Variants in CRYBG3 observed in about 807,000 individuals in gnomAD.
The protein encoded by CRYBG3 is very large A-kinase anchor protein.
In CRYBG3, 127 loss-of-function variants were observed where a neutral mutation model predicts 244.2. That is an observed-to-expected ratio of 0.52 (90% CI 0.45 to 0.60). The LOEUF (loss-of-function observed/expected upper bound fraction) is 0.60. Ranked by LOEUF, CRYBG3 falls within the 20% of genes least tolerant of loss-of-function variation. The pLI, the probability that CRYBG3 is intolerant of heterozygous loss-of-function variation, is 0.00. For missense variants in CRYBG3, 3,325 were observed against 3,442.5 expected (o/e 0.97, Z 0.85); for synonymous variants, 1,132 against 1,195.8 (o/e 0.95, Z 1.10).
At chr3:97,870,392 G>A (rs920551120) in intron 3 of CRYBG3, among the ~76,000 whole-genome samples, 1 of 152,126 alleles carries the variant, frequency 6.6e-6, no homozygotes, top group Non-Finnish European at 1.5e-5. Flanking sequence ...AGAACATGTA[G>A]TATTTGGTTT....
In CRYBG3 at chr3:97,876,526, G is replaced by A; in HGVS notation, c.5332G>A (p.Glu1778Lys). 8.1e-7 allele frequency: 1 copy of A among 1,232,192 alleles called. No individual in the cohort carries two copies. 76.3% of individuals were successfully genotyped at this position (1,232,192 alleles called of 1,614,324 possible). The change falls in exon 4 of 22, where the codon GAA becomes AAA. Residue 1778 changes from glutamate (E) to lysine (K), a missense_variant. Physicochemically the swap from Glu to Lys is moderately conservative, Grantham distance 56. Transcript: ENST00000389622. ...KNAKGFTGNTEGSVLKMEATY... is the reference protein window; with the variant it reads ...KNAKGFTGNTKGSVLKMEATY... ...TGCCAAAGGTTTTACCGGGAACACT[G>A]AAGGGTCTGTGTTGAAAATGGAAGC...
chr3:97,898,852 T>C (rs1327082894), intron 12 of CRYBG3, 31 bp from the exon 13 acceptor site: 1 of 1,507,084 alleles, frequency 6.6e-7, no homozygotes. Flanking sequence ...AATATGTATG[T>C]TTTCCTAAAC....
chr3:97,941,071 C>G (rs2040222979), intron 19 of CRYBG3, 77 bp from the exon 20 acceptor site: 1 of 1,261,300 alleles, frequency 7.9e-7, no homozygotes, highest in African/African-American at 1.5e-5. Flanking sequence ...CACTTTCCCT[C>G]CCAGCTTTCC....
chr3:97,899,275 A>G lies in CRYBG3; in HGVS notation c.7971+12A>G. 1.9e-6 allele frequency: 3 copies of G among 1,609,686 alleles called. No homozygotes were observed. The highest frequency in any genetic ancestry group is 2.5e-6 in the Non-Finnish European group (3 of 1,178,654). The stretch of plus-strand genomic sequence containing the variant: ...GGCCAATCCAACTGGTGAGTGAAGT[A>G]TGAACATAGCCAGTGCTGCATCATG... On this transcript the variant is annotated intron_variant, in intron 14 of 21. Transcript: ENST00000389622.
chr3:97,941,342 G>T, intron 20 of CRYBG3, 36 bp downstream of exon 20: 1 of 1,485,502 alleles, frequency 6.7e-7, no homozygotes, highest in Non-Finnish European at 9.1e-7. Flanking sequence ...GCCACTTTCT[G>T]GTCTGTTTTT....
chr3:97,903,389 A>G (rs1349762732), intron 15 of CRYBG3, among the ~76,000 whole-genome samples: 1 of 152,208 alleles, frequency 6.6e-6, no homozygotes, highest in Non-Finnish European at 1.5e-5. Flanking sequence ...TTATTTCAGT[A>G]AAGAAAGCCT....
rs1009701748 is a variant in CRYBG3, at chr3:97,942,500, T to A, written c.8824+57T>A. ...CCTGGATATTAGTTTCAGTTCCAAA[T>A]CTCCTCATTTTGGGTAAAGGACATC... On this transcript the variant is annotated intron_variant, in intron 21 of 21. Transcript: ENST00000389622. 26 of 1,455,992 alleles carry A rather than the reference T, an allele frequency of 1.8e-5. No homozygotes were observed. In the Admixed American group the frequency reaches 5.0e-4, roughly 28 times the overall value. The allele number at this position is 1,455,992 out of a possible 1,614,324, so 90.2% of individuals were successfully genotyped here. A position where few individuals can be genotyped will look rare whatever the true frequency, so the allele number is the denominator to read the frequency against.
intron 1 of CRYBG3, among the ~76,000 whole-genome samples, chr3:97,838,573 A>G (rs1204613727): frequency 6.6e-6 from 1 of 152,188 alleles, no homozygotes; most frequent in South Asian, 2.1e-4. Flanking sequence ...GCATATAGAC[A>G]TGAGTTCTGA....
At chr3:97,859,798 T>C (rs2039119820) in intron 2 of CRYBG3, among the ~76,000 whole-genome samples, 1 of 152,204 alleles carries the variant, frequency 6.6e-6, no homozygotes, top group African/African-American at 2.4e-5. Context: ...TTATAAGGCT[T>C]TAGCCACTCT....
At chr3:97,881,839 A>AT (rs2039452466) in intron 7 of CRYBG3, among the ~76,000 whole-genome samples, 1 of 152,142 alleles carries the variant, frequency 6.6e-6, no homozygotes, top group Admixed American at 6.6e-5. Flanking sequence ...ATAGTATACT[A>AT]TACACTATAC....
Position 97,888,380 on chromosome 3 carries a change from T to G in CRYBG3, c.7329T>G (p.Ala2443=). 6.2e-7 allele frequency: 1 copy of G among 1,612,824 alleles called. No individual in the cohort carries two copies. The highest frequency in any genetic ancestry group is 8.5e-7 in the Non-Finnish European group (1 of 1,179,154). The part of the protein sequence containing the change: ...AYPDINFKGQ[A]TVLEEDHGLF... ...CAGATATTAATTTTAAGGGACAAGCTACAGTTCTGGAGGAAGACCATGGGC... is the reference window on the plus strand; with the variant it reads ...CAGATATTAATTTTAAGGGACAAGCGACAGTTCTGGAGGAAGACCATGGGC... Residue 2443 remains alanine (A), a synonymous_variant, in exon 9 of 22, where the codon GCT becomes GCG. Coordinates refer to ENST00000389622, the MANE Select transcript of CRYBG3 (RefSeq NM_153605.4).
chr3:97,826,401 T>C (rs6794173), intron 1 of CRYBG3, among the ~76,000 whole-genome samples: 1 of 152,166 alleles, frequency 6.6e-6, no homozygotes, highest in Non-Finnish European at 1.5e-5. Context: ...AGTTATAACA[T>C]TTTTAAGTTT....
chr3:97,898,276 T>C (rs1024800428), intron 12 of CRYBG3, among the ~76,000 whole-genome samples: 2 of 152,154 alleles, frequency 1.3e-5, no homozygotes, highest in Non-Finnish European at 2.9e-5. Context: ...TGAATTTCTT[T>C]AATTTACTAA....
At position 97,944,940 on chromosome 3, in the gene CRYBG3, G is replaced by A; in HGVS notation, c.*1626G>A. The A allele has an allele frequency of 3.2e-6, 1 of 314,322 alleles. No individual in the cohort carries two copies. Among genetic ancestry groups the A allele is most frequent in the Non-Finnish European group, 5.8e-6 (1 of 172,466 alleles). The allele number at this position is 314,322 out of a possible 1,614,324, so 19.5% of individuals were successfully genotyped here. A position where few individuals can be genotyped will look rare whatever the true frequency, so the allele number is the denominator to read the frequency against. On this transcript the variant is annotated 3_prime_UTR_variant, in exon 22 of 22. Coordinates refer to ENST00000389622, the MANE Select transcript of CRYBG3 (RefSeq NM_153605.4). Reference sequence around the variant, plus strand: ...GGAATTGTGCCTTTTCTACCACACTGGATTAAATAAACTTGTCAAAATATG... The same window carrying A: ...GGAATTGTGCCTTTTCTACCACACTAGATTAAATAAACTTGTCAAAATATG...
chr3:97,846,901 G>A (rs1046419150), intron 2 of CRYBG3, among the ~76,000 whole-genome samples: 5 of 152,178 alleles, frequency 3.3e-5, no homozygotes, highest in African/African-American at 1.2e-4. Flanking sequence ...CTGAGACTGG[G>A]TAATTTATAA....
intron 2 of CRYBG3, among the ~76,000 whole-genome samples, chr3:97,843,752 C>T (rs1256149054): frequency 6.6e-6 from 1 of 152,140 alleles, no homozygotes; most frequent in Non-Finnish European, 1.5e-5. Context: ...AGGACAAGCA[C>T]AAAAAGTAGA....
At position 97,871,996 on chromosome 3, in the gene CRYBG3, C is replaced by G; in HGVS notation, c.802C>G (p.His268Asp). 1 of 1,535,834 alleles carries G rather than the reference C, an allele frequency of 6.5e-7. No individual in the cohort carries two copies. The change falls in exon 4 of 22, where the codon CAC (histidine) becomes GAC (aspartate). Residue 268 changes from histidine (H) to aspartate (D), a missense_variant. Around this residue, in one of 4 missense-constraint regions of CRYBG3, gnomAD observed 1,526 missense variants for 1,443.2 expected, o/e 1.06. Transcript: ENST00000389622. Reference protein sequence around the residue: ...NESSDSSTNRHIDPGSEIEAG... With the variant: ...NESSDSSTNRDIDPGSEIEAG... ...AAGTTCTGACTCTAGTACAAACAGACACATTGACCCTGGAAGTGAGATTGA... is the reference window on the plus strand; with the variant it reads ...AAGTTCTGACTCTAGTACAAACAGAGACATTGACCCTGGAAGTGAGATTGA...
At chr3:97,846,921 G>A (rs189699593) in intron 2 of CRYBG3, among the ~76,000 whole-genome samples, 83 of 152,276 alleles carry the variant, frequency 5.5e-4, no homozygotes, top group African/African-American at 1.7e-3. Context: ...AAGAAAAGGC[G>A]TTTCATTGGC....
Position 97,877,735 on chromosome 3 carries a change from A to AC in CRYBG3, c.6542dup (p.Phe2182IlefsTer4). On this transcript the variant is annotated frameshift_variant, in exon 4 of 22. Transcript: ENST00000389622. LOFTEE classifies it high-confidence loss of function. ...CTTCCAGTTGCCAGATCCTTCCATC[A>AC]CATTTTACCCTGATGACCAGGAGAG... 6.2e-7 allele frequency: 1 copy of AC among 1,614,104 alleles called. No individual in the cohort carries two copies. Among genetic ancestry groups the AC allele is most frequent in the Non-Finnish European group, 8.5e-7 (1 of 1,180,016 alleles).
Sources: gnomAD v4.1 joint callset for allele counts (sites outside exome capture counted in the v4.1 genomes callset) on GRCh38, gnomAD v4.1.1 for gene constraint, gnomAD v4.1.1 regional missense constraint, MANE v1.5 for transcripts, NCBI Gene and HGNC (gene_info 2026-07-23, HGNC 2026-07-21) for gene names.